Variants in PTPN4 observed in about 807,000 individuals in gnomAD.
PTPN4 encodes the protein protein tyrosine phosphatase non-receptor type 4, also known as tyrosine-protein phosphatase non-receptor type 4.
A neutral mutation model predicts 135.5 loss-of-function variants in PTPN4; 49 were observed. The ratio of observed to expected loss-of-function variants is 0.36; its 90% confidence interval spans 0.29 to 0.46. The LOEUF (loss-of-function observed/expected upper bound fraction) is 0.46, where lower values mean the gene tolerates loss of function less well. Among genes scored for constraint, PTPN4 ranks in the 20% least tolerant of loss-of-function variants. The pLI is 1.00. For synonymous variants in PTPN4, 333 were observed against 369.9 expected, an observed-to-expected ratio of 0.90 and a Z score of 1.14; for missense variants, 860 against 1,101.0, an observed-to-expected ratio of 0.78 and a Z score of 3.10.
intron 22 of PTPN4, among the ~76,000 whole-genome samples, chr2:119,957,369 G>A (rs1679303619): frequency 6.6e-6 from 1 of 152,144 alleles, no homozygotes. Flanking sequence ...ATGGGTGGTT[G>A]GGTCAACTGT....
rs1169311959 is a variant in PTPN4, at chr2:119,877,267, C to A, written c.247-56C>A. 5.1e-6 allele frequency: 8 copies of A among 1,554,310 alleles called. No individual in the cohort carries two copies. In the African/African-American group the frequency reaches 6.9e-5, roughly 13 times the overall value. ...CCAAATGGAACAGATTTGCAAGAAT[C>A]AATATAGTAGTTCCTCAAGGAAAAA... On this transcript the variant is annotated intron_variant, in intron 3 of 26. Transcript: ENST00000263708.
intron 2 of PTPN4, among the ~76,000 whole-genome samples, chr2:119,850,419 G>T (rs1677574081): frequency 6.6e-6 from 1 of 152,224 alleles, no homozygotes; most frequent in South Asian, 2.1e-4. Flanking sequence ...TTGCCCTGCA[G>T]GCTTTGGGTG....
chr2:119,861,076 G>C (rs1223770692), intron 2 of PTPN4, among the ~76,000 whole-genome samples: 1 of 151,750 alleles, frequency 6.6e-6, no homozygotes, highest in African/African-American at 2.4e-5. Context: ...TATTTTGGCT[G>C]GGAGGTCCGG....
intron 1 of PTPN4, among the ~76,000 whole-genome samples, chr2:119,794,575 C>T (rs544861273): frequency 1.1e-4 from 16 of 152,308 alleles, no homozygotes; most frequent in African/African-American, 3.6e-4. Flanking sequence ...CTGGGGAATG[C>T]GGTGTGGCAC....
chr2:119,774,889 T>A (rs1215478832), intron 1 of PTPN4, among the ~76,000 whole-genome samples: 1 of 151,792 alleles, frequency 6.6e-6, no homozygotes, highest in East Asian at 1.9e-4. Context: ...CATGGTGGCA[T>A]GTGCCTTTAA....
chr2:119,844,541 C>T (rs1014895583), intron 2 of PTPN4, among the ~76,000 whole-genome samples: 6 of 144,920 alleles, frequency 4.1e-5, no homozygotes, highest in Non-Finnish European at 4.5e-5. Flanking sequence ...TCAGACGGGG[C>T]GGCCGGGCAG....
At chr2:119,768,022 T>C (rs1328956894) in intron 1 of PTPN4, among the ~76,000 whole-genome samples, 1 of 152,210 alleles carries the variant, frequency 6.6e-6, no homozygotes, top group Non-Finnish European at 1.5e-5. Flanking sequence ...ACTGTGAAAG[T>C]TGTCACCTAC....
intron 25 of PTPN4, among the ~76,000 whole-genome samples, chr2:119,967,027 T>C (rs1399967413): frequency 3.9e-5 from 6 of 152,216 alleles, no homozygotes; most frequent in Non-Finnish European, 8.8e-5. Flanking sequence ...GACCAAAATT[T>C]GAGAGGTAAA....
chr2:119,893,668 G>A (rs954079006), intron 9 of PTPN4, among the ~76,000 whole-genome samples: 1 of 152,132 alleles, frequency 6.6e-6, no homozygotes, highest in African/African-American at 2.4e-5. Flanking sequence ...AGAAGAACCA[G>A]GAAAGAGAAC....
chr2:119,915,452 C>A, intron 11 of PTPN4: 1 of 323,496 alleles, frequency 3.1e-6, no homozygotes, highest in Non-Finnish European at 5.7e-6. Context: ...TCTAGATATT[C>A]CTCTTGCTGT....
chr2:119,822,506 G>A (rs1157600744), intron 2 of PTPN4, among the ~76,000 whole-genome samples: 4 of 151,956 alleles, frequency 2.6e-5, no homozygotes, highest in African/African-American at 9.7e-5. Flanking sequence ...CTACAGGCAT[G>A]TGCCACCATG....
At chr2:119,955,749 A>C (rs1264735511) in intron 20 of PTPN4, among the ~76,000 whole-genome samples, 2 of 152,090 alleles carry the variant, frequency 1.3e-5, no homozygotes, top group Non-Finnish European at 1.5e-5. Flanking sequence ...AATCCTGGCC[A>C]ACACGGTGAA....
intron 2 of PTPN4, among the ~76,000 whole-genome samples, chr2:119,852,367 C>T (rs1558745199): frequency 6.6e-6 from 1 of 152,200 alleles, no homozygotes; most frequent in Non-Finnish European, 1.5e-5. Flanking sequence ...CCCTTCCTTC[C>T]TTTGTTCAGT....
chr2:119,808,445 C>G (rs1343653223), intron 1 of PTPN4, among the ~76,000 whole-genome samples: 3 of 151,974 alleles, frequency 2.0e-5, no homozygotes, highest in Non-Finnish European at 4.4e-5. Flanking sequence ...AGACAGAGAG[C>G]CAAATCATGA....
chr2:119,909,909 G>A (rs1021103697), intron 10 of PTPN4, among the ~76,000 whole-genome samples: 9 of 152,208 alleles, frequency 5.9e-5, no homozygotes, highest in Admixed American at 1.3e-4. Flanking sequence ...GGTAGGGGAT[G>A]AATTGCTGCA....
intron 2 of PTPN4, among the ~76,000 whole-genome samples, chr2:119,823,435 A>C (rs144246147): frequency 6.6e-6 from 1 of 152,002 alleles, no homozygotes; most frequent in Non-Finnish European, 1.5e-5. Context: ...GGGTTTCACC[A>C]TATTAGCCAG....
chr2:119,907,178 A>G (rs534161353), intron 10 of PTPN4, among the ~76,000 whole-genome samples: 1 of 152,238 alleles, frequency 6.6e-6, no homozygotes, highest in African/African-American at 2.4e-5. Context: ...AAAACATCTC[A>G]TACTCATGAA....
intron 14 of PTPN4, among the ~76,000 whole-genome samples, chr2:119,933,681 A>G (rs1336339607): frequency 6.6e-6 from 1 of 151,244 alleles, no homozygotes; most frequent in East Asian, 1.9e-4. Flanking sequence ...AAAAAAAAAA[A>G]TCTAACAGCT....
intron 15 of PTPN4, among the ~76,000 whole-genome samples, chr2:119,939,259 C>G (rs1490763757): frequency 1.3e-5 from 2 of 152,178 alleles, no homozygotes; most frequent in Admixed American, 6.5e-5. Flanking sequence ...TTCCTAATCA[C>G]AAGATATTCT....
Sources: gnomAD v4.1 joint callset for allele counts (sites outside exome capture counted in the v4.1 genomes callset) on GRCh38, gnomAD v4.1.1 for gene constraint, MANE v1.5 for transcripts, NCBI Gene and HGNC (gene_info 2026-07-23, HGNC 2026-07-21) for gene names.